The following PTPRM variants were observed in gnomAD, a reference collection of about 807,000 sequenced individuals.
The protein encoded by PTPRM is protein tyrosine phosphatase receptor type M, also known as receptor-type tyrosine-protein phosphatase mu.
A neutral mutation model predicts 186.7 loss-of-function variants in PTPRM; 47 were observed. The ratio of observed to expected loss-of-function variants is 0.25; its 90% CI spans 0.20 to 0.32. The LOEUF is 0.32. Among genes scored for constraint, PTPRM ranks in the 10% least tolerant of loss-of-function variants. The pLI is 1.00. For missense variants in PTPRM, 1,494 were observed against 1,865.0 expected (o/e 0.80, Z 3.66); for synonymous variants, 668 against 674.9 (o/e 0.99, Z 0.16).
intron 2 of PTPRM, among the ~76,000 whole-genome samples, chr18:7,826,815 T>A (rs1010429869): frequency 2.6e-5 from 4 of 152,224 alleles, no homozygotes; most frequent in African/African-American, 9.6e-5. Context: ...TACTGTGGGC[T>A]AGATGCAGCG....
At chr18:8,134,162 G>C (rs1489827912) in intron 13 of PTPRM, among the ~76,000 whole-genome samples, 1 of 152,068 alleles carries the variant, frequency 6.6e-6, no homozygotes, top group African/African-American at 2.4e-5. Flanking sequence ...GCATAGACAG[G>C]GGAAAGCCTC....
At chr18:8,226,493 A>G (rs9962248) in intron 14 of PTPRM, among the ~76,000 whole-genome samples, 80,338 of 152,028 alleles carry the variant, frequency 0.53, 21,710 homozygotes, top group Middle Eastern at 0.74. Flanking sequence ...TAGGAGAAAA[A>G]GGCATTTTTT....
At chr18:7,665,237 C>T (rs1247415074) in intron 1 of PTPRM, among the ~76,000 whole-genome samples, 2 of 152,172 alleles carry the variant, frequency 1.3e-5, no homozygotes, top group Admixed American at 1.3e-4. Flanking sequence ...AAATGACAGT[C>T]AGCCAAGCAA....
chr18:7,739,803 T>C lies in PTPRM; in HGVS notation c.74-34346T>C, dbSNP rs780024904. Among the ~76,000 whole-genome samples the C allele has an allele frequency of 5.9e-5, 9 of 152,162 alleles. No individual in the cohort carries two copies. The South Asian group carries it at 1.9e-3, about 32-fold the overall frequency. ...GGTTCTATCACCTATGCTGGTGGGG[T>C]TGCATCATCTTTGATTTTCTACAGC... On this transcript the variant is annotated intron_variant, in intron 1 of 32. Transcript: ENST00000580170.
chr18:7,975,153 T>A (rs2054847839), intron 7 of PTPRM, among the ~76,000 whole-genome samples: 1 of 152,206 alleles, frequency 6.6e-6, no homozygotes, highest in Admixed American at 6.5e-5. Context: ...GAACTCTTAT[T>A]TGTTGCTGGT....
chr18:8,394,699 C>A, intron 32 of PTPRM, 88 bp downstream of exon 32: 1 of 1,361,636 alleles, frequency 7.3e-7, no homozygotes, highest in Non-Finnish European at 9.8e-7. Flanking sequence ...GAAACTGATG[C>A]GTAGAGGAAG....
chr18:8,399,199 G>A (rs1231362233), intron 32 of PTPRM, among the ~76,000 whole-genome samples: 3 of 152,172 alleles, frequency 2.0e-5, no homozygotes, highest in African/African-American at 7.2e-5. Flanking sequence ...AACGCAGATC[G>A]GTTGTTTCAA....
intron 14 of PTPRM, among the ~76,000 whole-genome samples, chr18:8,180,719 C>T (rs1314122371): frequency 6.6e-6 from 1 of 152,150 alleles, no homozygotes; most frequent in Non-Finnish European, 1.5e-5. Flanking sequence ...GGTCATATAC[C>T]AGTTAAACTC....
intron 7 of PTPRM, among the ~76,000 whole-genome samples, chr18:8,032,673 C>A (rs2086058499): frequency 1.3e-5 from 2 of 151,974 alleles, no homozygotes; most frequent in Admixed American, 1.3e-4. Context: ...GAAACAGAAG[C>A]ATTCAGGAGA....
At chr18:7,836,580 A>C (rs889622913) in intron 2 of PTPRM, among the ~76,000 whole-genome samples, 3 of 152,142 alleles carry the variant, frequency 2.0e-5, no homozygotes, top group Non-Finnish European at 2.9e-5. Context: ...CTGTGTACTT[A>C]CTATTACAAG....
intron 7 of PTPRM, among the ~76,000 whole-genome samples, chr18:8,014,869 C>T (rs980885036): frequency 6.6e-6 from 1 of 151,836 alleles, no homozygotes; most frequent in Non-Finnish European, 1.5e-5. Context: ...TAAGGCATTG[C>T]TGTGAATCCA....
intron 11 of PTPRM, among the ~76,000 whole-genome samples, chr18:8,093,459 A>G (rs1361248539): frequency 6.6e-6 from 1 of 152,186 alleles, no homozygotes; most frequent in Non-Finnish European, 1.5e-5. Flanking sequence ...CAAATCTGAT[A>G]TCATGAAAAA....
intron 7 of PTPRM, among the ~76,000 whole-genome samples, chr18:8,002,188 T>A (rs1399493046): frequency 6.6e-6 from 1 of 152,050 alleles, no homozygotes; most frequent in Admixed American, 6.5e-5. Context: ...GACATTTAGG[T>A]GTCTGGATGC....
chr18:8,186,898 G>C (rs1422011423), intron 14 of PTPRM, among the ~76,000 whole-genome samples: 1 of 151,254 alleles, frequency 6.6e-6, no homozygotes, highest in Non-Finnish European at 1.5e-5. Flanking sequence ...GCTCATAATA[G>C]AGAGATTGAC....
At chr18:8,354,945 G>A (rs1334738648) in intron 23 of PTPRM, among the ~76,000 whole-genome samples, 1 of 152,196 alleles carries the variant, frequency 6.6e-6, no homozygotes, top group Admixed American at 6.5e-5. Flanking sequence ...TGTTTTTAGT[G>A]ATAGAGTAGA....
chr18:7,825,300 G>A (rs2045424646), intron 2 of PTPRM, among the ~76,000 whole-genome samples: 1 of 152,100 alleles, frequency 6.6e-6, no homozygotes, highest in African/African-American at 2.4e-5. Context: ...GGGAAACACA[G>A]CTAGGTACCA....
intron 14 of PTPRM, among the ~76,000 whole-genome samples, chr18:8,224,642 C>T (rs1401803073): frequency 6.6e-6 from 1 of 152,160 alleles, no homozygotes; most frequent in South Asian, 2.1e-4. Context: ...ACACTTGATT[C>T]ATTTGTGACC....
intron 19 of PTPRM, among the ~76,000 whole-genome samples, chr18:8,264,748 C>T (rs185303013): frequency 4.1e-4 from 55 of 135,094 alleles, no homozygotes; most frequent in African/African-American, 1.2e-3. Flanking sequence ...TGCACTCCTG[C>T]GTGGTGACAG....
At chr18:7,693,073 T>C (rs952363028) in intron 1 of PTPRM, among the ~76,000 whole-genome samples, 1 of 152,222 alleles carries the variant, frequency 6.6e-6, no homozygotes, top group Non-Finnish European at 1.5e-5. Context: ...ATGTAAACAC[T>C]GTAAATGGTC....
Sources: allele counts gnomAD v4.1 joint callset (sites outside exome capture counted in the v4.1 genomes callset), GRCh38; gene constraint gnomAD v4.1.1; transcripts MANE v1.5; gene names NCBI Gene and HGNC (gene_info 2026-07-23, HGNC 2026-07-21).